Variants in FHIT observed in about 807,000 individuals in gnomAD.
FHIT encodes the protein fragile histidine triad diadenosine triphosphatase.
A neutral mutation model predicts 17.9 loss-of-function variants in FHIT; 19 were observed. That is an observed-to-expected ratio of 1.06 (90% CI 0.74 to 1.56). The LOEUF (loss-of-function observed/expected upper bound fraction) is 1.56. Ranked by LOEUF, FHIT falls within the 40% of genes most tolerant of loss-of-function variation. The pLI is 0.00. For synonymous variants in FHIT, 81 were observed against 69.7 expected (o/e 1.16, Z -0.81); for missense variants, 248 against 189.2 (o/e 1.31, Z -1.82).
chr3:60,154,754 T>C (rs1043546928), intron 5 of FHIT, among the ~76,000 whole-genome samples: 1 of 152,202 alleles, frequency 6.6e-6, no homozygotes, highest in Non-Finnish European at 1.5e-5. Flanking sequence ...ATAATCTCTG[T>C]GACAGTTTAC....
At chr3:60,489,575 C>T (rs1317688263) in intron 5 of FHIT, among the ~76,000 whole-genome samples, 1 of 152,198 alleles carries the variant, frequency 6.6e-6, no homozygotes, top group African/African-American at 2.4e-5. Context: ...CCACTTATCA[C>T]TCACACCTGC....
chr3:60,478,104 A>T (rs1183025921), intron 5 of FHIT, among the ~76,000 whole-genome samples: 1 of 152,236 alleles, frequency 6.6e-6, no homozygotes, highest in African/African-American at 2.4e-5. Flanking sequence ...TGACATACTG[A>T]TTGCTCATAA....
At chr3:60,308,350 A>G (rs1476593459) in intron 5 of FHIT, among the ~76,000 whole-genome samples, 2 of 152,128 alleles carry the variant, frequency 1.3e-5, no homozygotes, top group East Asian at 3.9e-4. Flanking sequence ...ATTGGGCCTG[A>G]CTTTCTGTTT....
intron 3 of FHIT, among the ~76,000 whole-genome samples, chr3:60,928,229 T>G (rs1157157576): frequency 6.6e-6 from 1 of 151,956 alleles, no homozygotes; most frequent in Non-Finnish European, 1.5e-5. Context: ...CATGTTTATC[T>G]GCTGACCTTC....
intron 3 of FHIT, among the ~76,000 whole-genome samples, chr3:61,005,388 G>T (rs1010538763): frequency 1.3e-5 from 2 of 152,056 alleles, no homozygotes; most frequent in South Asian, 2.1e-4. Context: ...ATGATGATGA[G>T]GAGGAGCAGG....
chr3:60,900,734 A>T (rs1251288183), intron 3 of FHIT, among the ~76,000 whole-genome samples: 1 of 152,192 alleles, frequency 6.6e-6, no homozygotes, highest in African/African-American at 2.4e-5. Flanking sequence ...CTAAAATCAG[A>T]ATTCATTATA....
At chr3:60,782,144 A>G (rs1700412046) in intron 4 of FHIT, among the ~76,000 whole-genome samples, 1 of 152,120 alleles carries the variant, frequency 6.6e-6, no homozygotes, top group South Asian at 2.1e-4. Flanking sequence ...CTGACTTAGC[A>G]TAATGTCTGC....
chr3:60,849,444 A>G (rs1232988758), intron 3 of FHIT, among the ~76,000 whole-genome samples: 2 of 90,000 alleles, frequency 2.2e-5, no homozygotes, highest in Non-Finnish European at 4.9e-5. Context: ...AAAATGAAAT[A>G]TATATATATA....
At chr3:60,623,387 T>C (rs550788426) in intron 4 of FHIT, among the ~76,000 whole-genome samples, 2 of 152,318 alleles carry the variant, frequency 1.3e-5, no homozygotes, top group Admixed American at 6.5e-5. Flanking sequence ...AGATGAGATA[T>C]TGGAGCTTTA....
intron 3 of FHIT, among the ~76,000 whole-genome samples, chr3:61,025,228 G>A (rs1328243625): frequency 6.6e-6 from 1 of 152,130 alleles, no homozygotes. Flanking sequence ...TATGTTATGG[G>A]CTGTAGGACA....
intron 4 of FHIT, among the ~76,000 whole-genome samples, chr3:60,760,711 A>G (rs1350330944): frequency 6.6e-6 from 1 of 152,220 alleles, no homozygotes; most frequent in Non-Finnish European, 1.5e-5. Context: ...TGTAAGGAAA[A>G]TAAAGAAGAC....
intron 8 of FHIT, among the ~76,000 whole-genome samples, chr3:59,764,322 G>T (rs1683345): frequency 0.12 from 18,048 of 152,228 alleles, 1,241 homozygotes; most frequent in Non-Finnish European, 0.16. Flanking sequence ...CCAGGTGCTT[G>T]GCACTGGATC....
chr3:60,529,145 G>T (rs138461078), intron 5 of FHIT, among the ~76,000 whole-genome samples: 507 of 152,260 alleles, frequency 3.3e-3, no homozygotes, highest in Middle Eastern at 6.8e-3. Flanking sequence ...GTGCCCAGAA[G>T]CTATTTGCAA....
At chr3:60,359,312 C>T (rs905711781) in intron 5 of FHIT, among the ~76,000 whole-genome samples, 18 of 136,496 alleles carry the variant, frequency 1.3e-4, no homozygotes, top group African/African-American at 4.2e-4. Context: ...GATGGAGCCT[C>T]GCTCTATCGC....
chr3:61,237,876 T>C (rs2040271565), intron 1 of FHIT, among the ~76,000 whole-genome samples: 1 of 152,200 alleles, frequency 6.6e-6, no homozygotes, highest in Non-Finnish European at 1.5e-5. Context: ...TAATGGGCTC[T>C]TATTTATAAT....
At chr3:60,731,354 T>C (rs528000004) in intron 4 of FHIT, among the ~76,000 whole-genome samples, 5 of 152,180 alleles carry the variant, frequency 3.3e-5, no homozygotes, top group African/African-American at 1.2e-4. Context: ...TGAAAGTTTA[T>C]TAGAAAGCTT....
intron 3 of FHIT, among the ~76,000 whole-genome samples, chr3:61,033,486 T>C (rs892682433): frequency 6.6e-6 from 1 of 152,232 alleles, no homozygotes; most frequent in African/African-American, 2.4e-5. Context: ...ATATTTTTAA[T>C]ATTTTTGGCT....
chr3:60,005,071 C>G (rs1352681929), intron 7 of FHIT, among the ~76,000 whole-genome samples: 2 of 152,264 alleles, frequency 1.3e-5, no homozygotes, highest in East Asian at 3.9e-4. Context: ...ACCAAGTAGT[C>G]TGGCCCCAGA....
Position 59,794,561 on chromosome 3 carries a change from T to C in FHIT, c.349-42240A>G, listed in dbSNP as rs564763680. On this transcript the variant is annotated intron_variant, in intron 8 of 9. Transcript: ENST00000492590. Reference sequence around the variant, plus strand: ...CAGGCGCTTTATATGCACCTTTATATGTATCGCCTCTTTTAAGCCCCTCAG... The same window carrying C: ...CAGGCGCTTTATATGCACCTTTATACGTATCGCCTCTTTTAAGCCCCTCAG... 3.4e-3 allele frequency among the ~76,000 whole-genome samples: 518 copies of C among 152,328 alleles called. 3 individuals are homozygous for C. The highest frequency in any genetic ancestry group is 4.0e-3 in the Non-Finnish European group (270 of 68,030).
Sources: allele counts gnomAD v4.1 joint callset (sites outside exome capture counted in the v4.1 genomes callset), GRCh38; gene constraint gnomAD v4.1.1; transcripts MANE v1.5; gene names NCBI Gene and HGNC (gene_info 2026-07-23, HGNC 2026-07-21).